HMCES: variants seen among roughly 807,000 people sequenced by gnomAD.
HMCES encodes abasic site processing protein HMCES.
A neutral mutation model predicts 35.1 loss-of-function variants in HMCES; 27 were observed. The ratio of observed to expected loss-of-function variants is 0.77; its 90% CI spans 0.57 to 1.06. HMCES has a LOEUF of 1.06. Among genes scored for constraint, HMCES ranks in the 50% least tolerant of loss-of-function variants. The pLI is 0.00. For synonymous variants in HMCES, 130 were observed against 154.7 expected (o/e 0.84, Z 1.18); for missense variants, 391 against 430.4 (o/e 0.91, Z 0.81).
chr3:129,302,153 G>A lies in HMCES; in HGVS notation c.828+11G>A. On this transcript the variant is annotated intron_variant, in intron 6 of 6. Transcript: ENST00000383463. ...TTGGTGGTCAAAAAGGTAGGGGCCT[G>A]TGACTGGTACAGTCCTTTTTGAGCT... 1 of 1,606,418 alleles carries A rather than the reference G, an allele frequency of 6.2e-7. No homozygotes were observed. The highest frequency in any genetic ancestry group is 8.5e-7 in the Non-Finnish European group (1 of 1,176,370).
chr3:129,280,864 C>T (rs1218364604), intron 2 of HMCES, among the ~76,000 whole-genome samples: 5 of 152,146 alleles, frequency 3.3e-5, no homozygotes, highest in Admixed American at 6.6e-5. Context: ...AAAAATGCTT[C>T]GTTCTAGAAA....
intron 4 of HMCES, among the ~76,000 whole-genome samples, chr3:129,296,106 G>C (rs922060724): frequency 1.3e-5 from 2 of 151,920 alleles, no homozygotes; most frequent in Non-Finnish European, 2.9e-5. Context: ...TGTCACCCAA[G>C]CTGGAGTACA....
At chr3:129,282,016 G>A (rs899728046) in intron 2 of HMCES, among the ~76,000 whole-genome samples, 1 of 151,970 alleles carries the variant, frequency 6.6e-6, no homozygotes, top group African/African-American at 2.4e-5. Flanking sequence ...ATTTTTAGAG[G>A]ATGCATACTT....
At chr3:129,297,383 T>A (rs2071106304) in intron 4 of HMCES, among the ~76,000 whole-genome samples, 1 of 152,122 alleles carries the variant, frequency 6.6e-6, no homozygotes, top group African/African-American at 2.4e-5. Context: ...ACCTGATTCC[T>A]AGGCGTGACA....
rs965459930 is a variant in HMCES at position 129,303,810 on chromosome 3, A to T, written c.829-779A>T. On this transcript the variant is annotated intron_variant, in intron 6 of 6. Coordinates refer to ENST00000383463, the MANE Select transcript of HMCES (RefSeq NM_020187.3). Reference sequence around the variant, plus strand: ...CAGGTTAGACTGCAGTGGCATGATCATAGTTCACTGCAGCCTCGAACTCCT... The same window carrying T: ...CAGGTTAGACTGCAGTGGCATGATCTTAGTTCACTGCAGCCTCGAACTCCT... 3.3e-5 allele frequency among the ~76,000 whole-genome samples: 5 copies of T among 151,836 alleles called. No homozygotes were observed. In the East Asian group the frequency reaches 9.7e-4, roughly 29 times the overall value.
At position 129,283,303 on chromosome 3, in the gene HMCES, C is replaced by T. The variant is rs578008797; in HGVS notation, c.183+3388C>T. ...TAATGTTGTCTCATTCTCATTTATG[C>T]ACTGAGCTGGGGGTCCTTCTGCTTG... On this transcript the variant is annotated intron_variant, in intron 2 of 6. Coordinates refer to ENST00000383463, the MANE Select transcript of HMCES (RefSeq NM_020187.3). Among the ~76,000 whole-genome samples the T allele has an allele frequency of 6.0e-5, 9 of 150,764 alleles. No homozygotes were observed. The East Asian group carries it at 1.8e-3, about 29-fold the overall frequency.
intron 4 of HMCES, among the ~76,000 whole-genome samples, chr3:129,295,753 C>T (rs1281483734): frequency 6.6e-6 from 1 of 152,116 alleles, no homozygotes; most frequent in African/African-American, 2.4e-5. Flanking sequence ...GCTCTCACCA[C>T]CTTCCCCTCC....
Position 129,304,770 on chromosome 3 carries a change from G to A in HMCES, c.1010G>A (p.Trp337Ter). 1 of 1,614,160 alleles carries A rather than the reference G, an allele frequency of 6.2e-7. No homozygotes were observed. The highest frequency in any genetic ancestry group is 1.3e-5 in the African/African-American group (1 of 75,038). ...GGCACTGCAGGACTCCTAGAGCAAT[G>A]GCTGAAGCGGGAGAAGGAGGAGGAA... ...KRGTAGLLEQWLKREKEEEPV... is the reference protein window; with the variant it reads ...KRGTAGLLEQ The change falls in exon 7 of 7, where the codon TGG becomes TAG. Residue 337 changes from tryptophan to a stop codon, truncating the protein, a stop_gained. Coordinates refer to ENST00000383463, the MANE Select transcript of HMCES (RefSeq NM_020187.3). LOFTEE classifies it high-confidence loss of function.
At chr3:129,280,251 T>A (rs1940433800) in intron 2 of HMCES, among the ~76,000 whole-genome samples, 1 of 152,098 alleles carries the variant, frequency 6.6e-6, no homozygotes, top group Admixed American at 6.5e-5. Context: ...AAAAATATAA[T>A]AAAAAAATTT....
Position 129,290,820 on chromosome 3 carries a change from T to G in HMCES, c.453+16T>G, listed in dbSNP as rs777482777. On this transcript the variant is annotated intron_variant, in intron 4 of 6. Coordinates refer to ENST00000383463, the MANE Select transcript of HMCES (RefSeq NM_020187.3). ...GACAGAGAAGGTATCATTATCAGCA[T>G]TCACAATATATATTTGGAAAGGCAC... 6.2e-7 allele frequency: 1 copy of G among 1,607,672 alleles called. No individual in the cohort carries two copies. The highest frequency in any genetic ancestry group is 8.5e-7 in the Non-Finnish European group (1 of 1,175,142).
Position 129,279,868 on chromosome 3 carries a change from C to T in HMCES, c.136C>T (p.Pro46Ser). The change falls in exon 2 of 7, where the codon CCT becomes TCT. Residue 46 changes from proline (P) to serine (S), a missense_variant. By Grantham distance (74) the Pro-to-Ser change is moderately conservative. Transcript: ENST00000383463. The surrounding 1 kb of genome is among the most constrained non-coding windows in gnomAD (Gnocchi z 4.2). Reference sequence around the variant, plus strand: ...GTACTGCCCCTCTTACAACAAGAGTCCTCAATCCAACAGCCCAGTGCTTCT... The same window carrying T: ...GTACTGCCCCTCTTACAACAAGAGTTCTCAATCCAACAGCCCAGTGCTTCT... The part of the protein sequence containing the change: ...DKYCPSYNKS[P>S]QSNSPVLLSR... 1 of 1,610,554 alleles carries T rather than the reference C, an allele frequency of 6.2e-7. No individual in the cohort carries two copies. Among genetic ancestry groups the T allele is most frequent in the Non-Finnish European group, 8.5e-7 (1 of 1,178,786 alleles).
chr3:129,301,890 C>G, intron 5 of HMCES, 60 bp from the exon 6 acceptor site: 1 of 1,383,782 alleles, frequency 7.2e-7, no homozygotes, highest in Non-Finnish European at 1.0e-6. Flanking sequence ...AAGTCTCTCT[C>G]CCTTCTCTCC....
intron 2 of HMCES, among the ~76,000 whole-genome samples, chr3:129,281,028 C>G (rs1056621240): frequency 2.0e-5 from 3 of 151,782 alleles, no homozygotes; most frequent in African/African-American, 7.3e-5. Flanking sequence ...TCGAGACCAT[C>G]CTGGCCAACA....
intron 5 of HMCES, among the ~76,000 whole-genome samples, chr3:129,300,166 T>TTATATATATATA (rs35145445): frequency 5.8e-4 from 82 of 141,222 alleles, no homozygotes; most frequent in African/African-American, 2.0e-3. Flanking sequence ...ATGTGCATCT[T>TTATATATATATA]TATATATATA....
At chr3:129,303,250 G>A (rs2071192911) in intron 6 of HMCES, among the ~76,000 whole-genome samples, 1 of 152,160 alleles carries the variant, frequency 6.6e-6, no homozygotes, top group African/African-American at 2.4e-5. Context: ...TAGGTGGCAT[G>A]GAGGGACTTA....
rs1576975252 is a variant in HMCES at position 129,279,505 on chromosome 3, G to A, written c.-23-205G>A. Among the ~76,000 whole-genome samples, 1 of 152,220 alleles carries A rather than the reference G, an allele frequency of 6.6e-6. No homozygotes were observed. The highest frequency in any genetic ancestry group is 2.4e-5 in the African/African-American group (1 of 41,458). ...AGCTCCTCTCGGGACTTGCCTCAGT[G>A]CCCTGCACGGAGCTGGGCAGTGGGC... is the stretch of plus-strand genomic sequence containing the variant. On this transcript the variant is annotated intron_variant, in intron 1 of 6. Coordinates refer to ENST00000383463, the MANE Select transcript of HMCES (RefSeq NM_020187.3). This position sits in a 1 kb window ranked among gnomAD's most constrained non-coding sequence, Gnocchi z 4.2.
Position 129,279,081 on chromosome 3 carries a change from G to A in HMCES, c.-24+176G>A, listed in dbSNP as rs1393742927. On this transcript the variant is annotated intron_variant, in intron 1 of 6. Transcript: ENST00000383463. This position sits in a 1 kb window ranked among gnomAD's most constrained non-coding sequence, Gnocchi z 4.2. ...GGGGCGGCGGAGTCTGAGGGCCGGA[G>A]CGGAGCGGAGGCGACGCGGGGAGGG... The A allele has an allele frequency of 6.6e-6, 1 of 152,616 alleles. No individual in the cohort carries two copies. Among genetic ancestry groups the A allele is most frequent in the Non-Finnish European group, 1.5e-5 (1 of 68,428 alleles). The allele number at this position is 152,616 out of a possible 1,614,324, so 9.5% of individuals were successfully genotyped here.
rs769844057 is a variant in HMCES at position 129,298,536 on chromosome 3, G to A, written c.635+1G>A. 6.8e-6 allele frequency: 11 copies of A among 1,612,490 alleles called. No homozygotes were observed. Among genetic ancestry groups the A allele is most frequent in the Middle Eastern group, 1.6e-4 (1 of 6,076 alleles). ...AAGGCTTGAGTGACATCCACCACAG[G>A]CAAGTCATACTTCTTAGCCCTGGAT... is the stretch of plus-strand genomic sequence containing the variant. On this transcript the variant is annotated splice_donor_variant, in intron 5 of 6. Coordinates refer to ENST00000383463, the MANE Select transcript of HMCES (RefSeq NM_020187.3). LOFTEE classifies it high-confidence loss of function.
chr3:129,288,142 G>A (rs1288354264), intron 2 of HMCES, among the ~76,000 whole-genome samples: 4 of 152,066 alleles, frequency 2.6e-5, no homozygotes, highest in African/African-American at 9.7e-5. Flanking sequence ...GGACATGATG[G>A]TGTGCACCTG....
Sources: gnomAD v4.1 joint callset for allele counts (sites outside exome capture counted in the v4.1 genomes callset) on GRCh38, gnomAD v4.1.1 for gene constraint, Gnocchi (gnomAD v3.1) non-coding constraint, MANE v1.5 for transcripts, NCBI Gene and HGNC (gene_info 2026-07-23, HGNC 2026-07-21) for gene names.